CDCP1: variants seen among roughly 807,000 people sequenced by gnomAD.
CDCP1 encodes CUB domain-containing protein 1.
Under a neutral mutation model 60.2 loss-of-function variants are expected in CDCP1, and 29 were observed. The ratio of observed to expected loss-of-function variants is 0.48; its 90% CI spans 0.36 to 0.66. The LOEUF (loss-of-function observed/expected upper bound fraction) is 0.66. Ranked by LOEUF, CDCP1 falls within the 30% of genes least tolerant of loss-of-function variation. CDCP1 has a pLI of 0.00. For missense variants in CDCP1, 876 were observed against 1,074.3 expected, an observed-to-expected ratio of 0.82 and a Z score of 2.58; for synonymous variants, 387 against 431.1, an observed-to-expected ratio of 0.90 and a Z score of 1.27.
At chr3:45,129,420 G>A (rs1196966983) in intron 1 of CDCP1, among the ~76,000 whole-genome samples, 3 of 152,148 alleles carry the variant, frequency 2.0e-5, no homozygotes, top group Non-Finnish European at 4.4e-5. Context: ...TTTGAACACG[G>A]GAATTGCAGA....
At chr3:45,099,826 C>T (rs1559778389) in intron 4 of CDCP1, among the ~76,000 whole-genome samples, 2 of 151,922 alleles carry the variant, frequency 1.3e-5, no homozygotes, top group Non-Finnish European at 2.9e-5. Context: ...TCCTGAAAGC[C>T]CTTTTTAAAA....
intron 1 of CDCP1, among the ~76,000 whole-genome samples, chr3:45,131,641 T>C (rs1260891405): frequency 2.0e-5 from 3 of 152,100 alleles, no homozygotes; most frequent in Non-Finnish European, 2.9e-5. Flanking sequence ...TAAAACTACA[T>C]AGCCTCAAAT....
chr3:45,138,725 T>G (rs1361954786), intron 1 of CDCP1, among the ~76,000 whole-genome samples: 8 of 152,132 alleles, frequency 5.3e-5, no homozygotes, highest in Non-Finnish European at 1.2e-4. Context: ...GGCAGGCGCC[T>G]GTAATCCCAA....
chr3:45,093,374 C>G lies in CDCP1; in HGVS notation c.1530G>C (p.Lys510Asn). ...TGCGAAGGGTCACCGAGATGTTCTG[C>G]TTCACCTGGATCTGCTTGATAGAGC... ...PGGSIKQIQV[K>N]QNISVTLRTF... Residue 510 changes from lysine to asparagine, a missense_variant, in exon 6 of 9, where the codon AAG (lysine) becomes AAC (asparagine). Around this residue, in one of 2 missense-constraint regions of CDCP1, gnomAD observed 726 missense variants for 935.7 expected, o/e 0.78. Coordinates refer to ENST00000296129, the MANE Select transcript of CDCP1 (RefSeq NM_022842.5). 6.2e-7 allele frequency: 1 copy of G among 1,614,210 alleles called. No individual in the cohort carries two copies. Among genetic ancestry groups the G allele is most frequent in the East Asian group, 2.2e-5 (1 of 44,878 alleles).
At chr3:45,103,569 C>T (rs11915327) in intron 4 of CDCP1, among the ~76,000 whole-genome samples, 11,508 of 152,190 alleles carry the variant, frequency 0.076, 597 homozygotes, top group African/African-American at 0.14. Flanking sequence ...GAGGTGTGGT[C>T]GGTCCCCAGT....
intron 4 of CDCP1, among the ~76,000 whole-genome samples, chr3:45,097,857 T>G (rs923090823): frequency 6.6e-6 from 1 of 152,250 alleles, no homozygotes; most frequent in Non-Finnish European, 1.5e-5. Context: ...CCAATAGTGC[T>G]TTAATTAGAG....
chr3:45,110,769 C>G lies in CDCP1; in HGVS notation c.728G>C (p.Gly243Ala), dbSNP rs780210192. Residue 243 changes from glycine (G) to alanine (A), a missense_variant, in exon 4 of 9, where the codon GGC becomes GCC. Gly to Ala is a moderately conservative substitution (Grantham distance 60). This residue lies in a region of CDCP1 where 726 missense variants were observed against 935.7 expected (regional missense o/e 0.78). Coordinates refer to ENST00000296129, the MANE Select transcript of CDCP1 (RefSeq NM_022842.5). ...CGTCATGAGCTCATCCTCAGGGAAG[C>G]CTTCTGGGTAGTTGGCAGACATCAG... ...ATLMSANYPE[G>A]FPEDELMTWQ... The G allele has an allele frequency of 1.2e-6, 2 of 1,614,020 alleles. No individual in the cohort carries two copies. Among genetic ancestry groups the G allele is most frequent in the African/African-American group, 2.7e-5 (2 of 74,908 alleles).
At chr3:45,111,662 G>C (rs977461737) in intron 3 of CDCP1, among the ~76,000 whole-genome samples, 1 of 152,196 alleles carries the variant, frequency 6.6e-6, no homozygotes, top group African/African-American at 2.4e-5. Flanking sequence ...GCCACAGACT[G>C]AGACTCTTTC....
chr3:45,112,267 G>C lies in CDCP1; in HGVS notation c.471C>G (p.Asp157Glu). ...GGCCGCTGATGGAGTGAGTGACTCC[G>C]TCTGGGCAGCTCTCACCCGGACCGA... Reference protein sequence around the residue: ...RQIGPGESCPDGVTHSISGRI... With the variant: ...RQIGPGESCPEGVTHSISGRI... Residue 157 changes from aspartate (D) to glutamate (E), a missense_variant, in exon 3 of 9, where the codon GAC (aspartate) becomes GAG (glutamate). Asp to Glu is a conservative substitution (Grantham distance 45, BLOSUM62 2). This residue lies in a region of CDCP1 where 726 missense variants were observed against 935.7 expected (regional missense o/e 0.78). Coordinates refer to ENST00000296129, the MANE Select transcript of CDCP1 (RefSeq NM_022842.5). The C allele has an allele frequency of 6.2e-7, 1 of 1,614,194 alleles. No homozygotes were observed. Among genetic ancestry groups the C allele is most frequent in the South Asian group, 1.1e-5 (1 of 91,084 alleles).
chr3:45,107,824 T>C lies in CDCP1; in HGVS notation c.1024+2649A>G, dbSNP rs571752865. Among the ~76,000 whole-genome samples, 20 of 151,922 alleles carry C rather than the reference T, an allele frequency of 1.3e-4. No individual in the cohort carries two copies. In the South Asian group the frequency reaches 4.0e-3, roughly 30 times the overall value. ...CAAACACTTAGCAAATGAGAGAGAA[T>C]AAAGAATGAGGGCTGGGAGTGGTGG... On this transcript the variant is annotated intron_variant, in intron 4 of 8. Coordinates refer to ENST00000296129, the MANE Select transcript of CDCP1 (RefSeq NM_022842.5).
chr3:45,117,463 A>T (rs1168053658), intron 2 of CDCP1, among the ~76,000 whole-genome samples: 1 of 152,214 alleles, frequency 6.6e-6, no homozygotes, highest in Non-Finnish European at 1.5e-5. Context: ...TAATTTGCTT[A>T]AAGTCATGTG....
At chr3:45,111,987 A>G in intron 3 of CDCP1, 96 bp downstream of exon 3, 6 of 1,441,192 alleles carry the variant, frequency 4.2e-6, no homozygotes, top group East Asian at 2.3e-5. Context: ...TATATTGAGT[A>G]TTAGAGATTT....
chr3:45,103,342 G>C lies in CDCP1; in HGVS notation c.1024+7131C>G, dbSNP rs149757180. Among the ~76,000 whole-genome samples, 11 of 152,260 alleles carry C rather than the reference G, an allele frequency of 7.2e-5. No individual in the cohort carries two copies. The East Asian group carries it at 1.9e-3, about 27-fold the overall frequency. ...TTCTTTCCCTTATTATTCCTGAGTA[G>C]TACTCCATGAGCGAGCATATCACAT... On this transcript the variant is annotated intron_variant, in intron 4 of 8. Transcript: ENST00000296129.
chr3:45,131,218 C>T (rs576255526), intron 1 of CDCP1, among the ~76,000 whole-genome samples: 17 of 151,198 alleles, frequency 1.1e-4, no homozygotes, highest in Non-Finnish European at 2.2e-4. Flanking sequence ...AAAAACCCAA[C>T]TCAATAAAAT....
chr3:45,128,178 T>A (rs969490729), intron 1 of CDCP1, among the ~76,000 whole-genome samples: 2 of 152,082 alleles, frequency 1.3e-5, no homozygotes, highest in African/African-American at 4.8e-5. Flanking sequence ...AAGCACAACC[T>A]CCCACCTGCA....
intron 1 of CDCP1, among the ~76,000 whole-genome samples, chr3:45,142,571 A>G (rs960972550): frequency 6.6e-6 from 1 of 152,040 alleles, no homozygotes; most frequent in African/African-American, 2.4e-5. Flanking sequence ...GCACTAACAC[A>G]CTGATGGCTG....
chr3:45,087,415 G>T (rs566589581), intron 8 of CDCP1, among the ~76,000 whole-genome samples: 1 of 152,318 alleles, frequency 6.6e-6, no homozygotes, highest in South Asian at 2.1e-4. Flanking sequence ...GATGAGGCAA[G>T]TGCTGGATCT....
At chr3:45,095,016 C>T (rs537612975) in intron 5 of CDCP1, among the ~76,000 whole-genome samples, 1 of 151,954 alleles carries the variant, frequency 6.6e-6, no homozygotes, top group African/African-American at 2.4e-5. Flanking sequence ...TCACTGCAAC[C>T]TCCGCCTCCC....
chr3:45,118,990 C>A (rs1698838721), intron 1 of CDCP1, among the ~76,000 whole-genome samples: 1 of 152,152 alleles, frequency 6.6e-6, no homozygotes, highest in East Asian at 1.9e-4. Context: ...AGAACAAAGT[C>A]TACACACAGA....
Sources: gnomAD v4.1 joint callset for allele counts (sites outside exome capture counted in the v4.1 genomes callset) on GRCh38, gnomAD v4.1.1 for gene constraint, gnomAD v4.1.1 regional missense constraint, MANE v1.5 for transcripts, NCBI Gene and HGNC (gene_info 2026-07-23, HGNC 2026-07-21) for gene names.